The following MAPK14 variants were observed in gnomAD, a reference collection of about 807,000 sequenced individuals.
The protein encoded by MAPK14 is mitogen-activated protein kinase 14.
MAPK14 carries 16 observed loss-of-function variants against 49.6 expected under a neutral mutation model. The observed-to-expected ratio is 0.32, with a 90% CI of 0.22 to 0.49. The LOEUF (loss-of-function observed/expected upper bound fraction) is 0.49. Ranked by LOEUF, MAPK14 falls within the 20% of genes least tolerant of loss-of-function variation. MAPK14 has a pLI of 0.99. For missense variants in MAPK14, 200 were observed against 441.2 expected (o/e 0.45, Z 4.90); for synonymous variants, 142 against 158.0 (o/e 0.90, Z 0.76).
At chr6:36,043,182 C>T (rs1763034324) in intron 1 of MAPK14, among the ~76,000 whole-genome samples, 1 of 151,824 alleles carries the variant, frequency 6.6e-6, no homozygotes, top group Non-Finnish European at 1.5e-5. Context: ...TATGTAATTA[C>T]AGTGGTGAAA....
intron 8 of MAPK14, among the ~76,000 whole-genome samples, chr6:36,093,106 G>C (rs1765303209): frequency 6.6e-6 from 1 of 152,216 alleles, no homozygotes; most frequent in Non-Finnish European, 1.5e-5. Flanking sequence ...AAGGACGGGA[G>C]AAGGGGGAGG....
intron 6 of MAPK14, 107 bp from the exon 7 acceptor site, chr6:36,075,738 TCTC>T (rs1764505463): frequency 7.0e-7 from 1 of 1,434,020 alleles, no homozygotes; most frequent in South Asian, 1.2e-5. Flanking sequence ...GCTATTTTGT[TCTC>T]CTTTTTAATA....
chr6:36,059,625 A>G lies in MAPK14; in HGVS notation c.305+278A>G, dbSNP rs566048424. Among the ~76,000 whole-genome samples the G allele has an allele frequency of 4.6e-5, 7 of 152,280 alleles. No individual in the cohort carries two copies. The East Asian group carries it at 9.6e-4, about 21-fold the overall frequency. On this transcript the variant is annotated intron_variant, in intron 3 of 11. Transcript: ENST00000229794. ...GAAAGGAGTGGAGAGAGTTTTGACT[A>G]TGGATTTTCTTTTCAAAGTGTTTAT... is the stretch of plus-strand genomic sequence containing the variant.
the MAPK14 span, among the ~76,000 whole-genome samples, chr6:36,123,401 A>C: frequency 6.6e-6 from 1 of 152,170 alleles, no homozygotes; most frequent in African/African-American, 2.4e-5. Flanking sequence ...GAACAGCAAA[A>C]TCAGAAACAT....
chr6:36,087,812 G>GA lies in MAPK14; in HGVS notation c.683-8174dup, dbSNP rs1765047988. Among the ~76,000 whole-genome samples the GA allele has an allele frequency of 2.6e-5, 4 of 152,134 alleles. No homozygotes were observed. In the South Asian group the frequency reaches 8.3e-4, roughly 32 times the overall value. ...TTAAAATTCATATGGAACCAAAAAA[G>GA]AGTCCATATAGCCCAAACAATTCTA... On this transcript the variant is annotated intron_variant, in intron 8 of 11. Transcript: ENST00000229794.
intron 1 of MAPK14, among the ~76,000 whole-genome samples, chr6:36,031,257 G>T (rs1762531553): frequency 6.6e-6 from 1 of 151,796 alleles, no homozygotes; most frequent in Admixed American, 6.6e-5. Flanking sequence ...CAAGTGATCT[G>T]CTCTCCTTGG....
intron 3 of MAPK14, among the ~76,000 whole-genome samples, chr6:36,072,320 C>A (rs1764333433): frequency 1.3e-5 from 2 of 151,876 alleles, no homozygotes; most frequent in Non-Finnish European, 2.9e-5. Context: ...CAGAGCATGA[C>A]CCTGTCTCTA....
chr6:36,098,051 G>A (rs1366550150), intron 9 of MAPK14: 1 of 151,528 alleles, frequency 6.6e-6, no homozygotes, highest in South Asian at 2.1e-4. Context: ...ATGATGTATG[G>A]GAACAGAATG....
rs753591868 is a variant in MAPK14, at chr6:36,096,075, A to T, written c.762+9A>T. 6.2e-7 allele frequency: 1 copy of T among 1,600,132 alleles called. No individual in the cohort carries two copies. The highest frequency in any genetic ancestry group is 8.6e-7 in the Non-Finnish European group (1 of 1,167,824). ...AAATCTCCTCAGAGTCTGTGAGTTG[A>T]TGCTTTGTAATTATCTGCCCTGTTG... On this transcript the variant is annotated intron_variant, in intron 9 of 11. Coordinates refer to ENST00000229794, the MANE Select transcript of MAPK14 (RefSeq NM_139012.3).
At chr6:36,098,182 G>A (rs1765511981) in intron 9 of MAPK14, 1 of 152,200 alleles carries the variant, frequency 6.6e-6, no homozygotes, top group Non-Finnish European at 1.5e-5. Flanking sequence ...CTGAAAAGTA[G>A]TGAAGTAGTG....
At chr6:36,103,761 A>G (rs1222466827) in intron 10 of MAPK14, among the ~76,000 whole-genome samples, 4 of 152,226 alleles carry the variant, frequency 2.6e-5, no homozygotes, top group Non-Finnish European at 4.4e-5. Context: ...TGGTGGACAC[A>G]GAAGGATCAG....
intron 8 of MAPK14, among the ~76,000 whole-genome samples, chr6:36,078,772 A>G (rs1259908747): frequency 6.6e-6 from 1 of 152,146 alleles, no homozygotes; most frequent in Admixed American, 6.6e-5. Context: ...TTTATTTGTA[A>G]TATACTTAAC....
rs371827772 is a variant in MAPK14, at chr6:36,038,568, C to T, written c.116+10295C>T. Among the ~76,000 whole-genome samples the T allele has an allele frequency of 5.9e-5, 9 of 152,248 alleles. No homozygotes were observed. The South Asian group carries it at 1.7e-3, about 28-fold the overall frequency. ...CTCTAGGGTCCCAAGTTTTTCGTTT[C>T]GGTTCCTTACCCATTCTACCCTAAA... On this transcript the variant is annotated intron_variant, in intron 1 of 11. Transcript: ENST00000229794.
Position 36,027,860 on chromosome 6 carries a change from C to T in MAPK14, c.-298C>T, listed in dbSNP as rs1762366080. On this transcript the variant is annotated 5_prime_UTR_variant, in exon 1 of 12. Coordinates refer to ENST00000229794, the MANE Select transcript of MAPK14 (RefSeq NM_139012.3). The stretch of plus-strand genomic sequence containing the variant: ...GGAACGGGAGTACTGCGACGCAGCC[C>T]GGAGTCGGCCTTGTAGGGGCGAAGG... The T allele has an allele frequency of 2.5e-6, 1 of 402,916 alleles. No individual in the cohort carries two copies. The highest frequency in any genetic ancestry group is 3.6e-5 in the East Asian group (1 of 28,062). 25.0% of individuals were successfully genotyped at this position (402,916 alleles called of 1,614,324 possible). A position where few individuals can be genotyped will look rare whatever the true frequency, so the allele number is the denominator to read the frequency against.
intron 8 of MAPK14, among the ~76,000 whole-genome samples, chr6:36,083,274 A>T (rs1158106821): frequency 6.6e-6 from 1 of 152,172 alleles, no homozygotes; most frequent in Admixed American, 6.5e-5. Flanking sequence ...AAGCCAAGGG[A>T]GGTGGTGAGT....
chr6:36,034,897 C>CTTTTTTT (rs200316205), intron 1 of MAPK14, among the ~76,000 whole-genome samples: 16 of 121,020 alleles, frequency 1.3e-4, no homozygotes, highest in African/African-American at 2.6e-4. Context: ...TTCTTTCTTT[C>CTTTTTTT]TTTTTTTTTT....
chr6:36,073,668 T>C lies in MAPK14; in HGVS notation c.418-23T>C, dbSNP rs774179229. Reference sequence around the variant, plus strand: ...ATGACAATAGAAGGTTGGAGGTAACTTTGACTTTTTTCTCTTTTGCAGTAT... The same window carrying C: ...ATGACAATAGAAGGTTGGAGGTAACCTTGACTTTTTTCTCTTTTGCAGTAT... On this transcript the variant is annotated intron_variant, in intron 4 of 11. Transcript: ENST00000229794. 7 of 1,606,198 alleles carry C rather than the reference T, an allele frequency of 4.4e-6. No individual in the cohort carries two copies. The East Asian group carries it at 1.6e-4, about 36-fold the overall frequency.
At chr6:36,044,728 A>T (rs1763105249) in intron 1 of MAPK14, among the ~76,000 whole-genome samples, 1 of 152,178 alleles carries the variant, frequency 6.6e-6, no homozygotes, top group South Asian at 2.1e-4. Context: ...AATTTTAAAA[A>T]TAATAAACAA....
chr6:36,070,744 T>A (rs1408816757), intron 3 of MAPK14, among the ~76,000 whole-genome samples: 1 of 152,062 alleles, frequency 6.6e-6, no homozygotes, highest in Non-Finnish European at 1.5e-5. Context: ...ACCAGGAAAT[T>A]ATGACAGAGA....
Sources: allele counts gnomAD v4.1 joint callset (sites outside exome capture counted in the v4.1 genomes callset), GRCh38; gene constraint gnomAD v4.1.1; transcripts MANE v1.5; gene names NCBI Gene and HGNC (gene_info 2026-07-23, HGNC 2026-07-21).